Variants in KIF20B observed in about 807,000 individuals in gnomAD.
KIF20B encodes the protein kinesin-like protein KIF20B.
In KIF20B, 188 loss-of-function variants were observed where a neutral mutation model predicts 232.5. The ratio of observed to expected loss-of-function variants is 0.81; its 90% CI spans 0.72 to 0.91. The LOEUF (loss-of-function observed/expected upper bound fraction) is 0.91. KIF20B is among the 40% of genes least tolerant of loss of function. The pLI, the probability that KIF20B is intolerant of heterozygous loss-of-function variation, is 0.00. For synonymous variants in KIF20B, 712 were observed against 683.0 expected, an observed-to-expected ratio of 1.04 and a Z score of -0.66; for missense variants, 2,154 against 2,055.9, an observed-to-expected ratio of 1.05 and a Z score of -0.92.
intron 2 of KIF20B, among the ~76,000 whole-genome samples, chr10:89,706,653 A>G (rs1462986958): frequency 6.6e-6 from 1 of 150,716 alleles, no homozygotes; most frequent in Non-Finnish European, 1.5e-5. Context: ...TTAACTACAT[A>G]AGTAGTTATT....
rs765055449 is a variant in KIF20B, at chr10:89,768,767, A to G, written c.5121A>G (p.Thr1707=). ...KVAIRPSSKK[T]YSLRSQASII... is the part of the protein sequence containing the mutation. ...CCATACGTCCATCATCTAAGAAAAC[A>G]TATTCTTTACGGAGTCAGGCATCCA... Residue 1707 remains threonine (T), a synonymous_variant, in exon 31 of 33, where the codon ACA becomes ACG. Coordinates refer to ENST00000371728, the MANE Select transcript of KIF20B (RefSeq NM_001284259.2). 7 of 1,597,314 alleles carry G rather than the reference A, an allele frequency of 4.4e-6. No homozygotes were observed. In the Admixed American group the frequency reaches 9.0e-5, roughly 21 times the overall value.
Position 89,737,581 on chromosome 10 carries a change from C to T in KIF20B, c.2740C>T (p.His914Tyr). 1 of 1,605,054 alleles carries T rather than the reference C, an allele frequency of 6.2e-7. No individual in the cohort carries two copies. Among genetic ancestry groups the T allele is most frequent in the Non-Finnish European group, 8.5e-7 (1 of 1,176,280 alleles). Residue 914 changes from histidine (H) to tyrosine (Y), a missense_variant, in exon 20 of 33, where the codon CAT becomes TAT. Coordinates refer to ENST00000371728, the MANE Select transcript of KIF20B (RefSeq NM_001284259.2). ...EKAELNKQIV[H>Y]FQQELSLSEK... ...AGCAGAATTAAATAAACAGATTGTT[C>T]ATTTTCAGCAGGAACTTTCTCTTTC...
intron 1 of KIF20B, among the ~76,000 whole-genome samples, chr10:89,701,930 A>G (rs1345054064): frequency 6.6e-6 from 1 of 152,196 alleles, no homozygotes; most frequent in East Asian, 1.9e-4. Flanking sequence ...GTGACGCAAG[A>G]CAATTCATTT....
At chr10:89,732,764 C>T (rs1843354485) in intron 18 of KIF20B, 139 bp from the exon 19 acceptor site, 1 of 686,958 alleles carries the variant, frequency 1.5e-6, no homozygotes, top group Admixed American at 4.0e-5. Flanking sequence ...TAGGACGAAA[C>T]TTAAGAAATA....
chr10:89,711,161 AG>A lies in KIF20B; in HGVS notation c.675+17del. 6.8e-7 allele frequency: 1 copy of A among 1,465,302 alleles called. No individual in the cohort carries two copies. Among genetic ancestry groups the A allele is most frequent in the Non-Finnish European group, 9.2e-7 (1 of 1,088,226 alleles). 90.8% of individuals were successfully genotyped at this position (1,465,302 alleles called of 1,614,324 possible). A position where few individuals can be genotyped will look rare whatever the true frequency, so the allele number is the denominator to read the frequency against. The stretch of plus-strand genomic sequence containing the variant: ...AATTAAAGAGGTATGGAAATATTTT[AG>A]TATGTAAAATATGTATAATTCCTGA... On this transcript the variant is annotated intron_variant, in intron 6 of 32. Transcript: ENST00000371728.
chr10:89,749,531 A>G (rs912219838), intron 23 of KIF20B, among the ~76,000 whole-genome samples: 2 of 152,108 alleles, frequency 1.3e-5, no homozygotes, highest in Non-Finnish European at 2.9e-5. Flanking sequence ...TGTCACTTCA[A>G]AAAGAAACCC....
At chr10:89,755,294 T>C (rs1306046818) in intron 26 of KIF20B, among the ~76,000 whole-genome samples, 3 of 152,232 alleles carry the variant, frequency 2.0e-5, no homozygotes, top group Non-Finnish European at 4.4e-5. Flanking sequence ...TTGTCATCTG[T>C]TGGCATTTCC....
At chr10:89,763,834 T>A (rs891899236) in intron 29 of KIF20B, among the ~76,000 whole-genome samples, 2 of 149,088 alleles carry the variant, frequency 1.3e-5, no homozygotes, top group African/African-American at 4.9e-5. Flanking sequence ...ATTATTACTA[T>A]TTATTAATAG....
chr10:89,742,137 A>G (rs893160500), intron 21 of KIF20B, among the ~76,000 whole-genome samples: 6 of 152,224 alleles, frequency 3.9e-5, no homozygotes, highest in South Asian at 4.1e-4. Flanking sequence ...AGAAGAAAAA[A>G]GAAATTTATG....
In KIF20B at chr10:89,725,149, T is replaced by A; in HGVS notation, c.1992T>A (p.Val664=). Residue 664 remains valine, a synonymous_variant, in exon 15 of 33, where the codon GTT becomes GTA. Transcript: ENST00000371728. ...CGAAAGACATTTGTGCCACAAAAGTTGAAACTGAAGTATGTTAATTGAAGT... is the reference window on the plus strand; with the variant it reads ...CGAAAGACATTTGTGCCACAAAAGTAGAAACTGAAGTATGTTAATTGAAGT... ...EAAKDICATK[V]ETEETHNYVG... The A allele has an allele frequency of 1.2e-6, 2 of 1,613,994 alleles. No individual in the cohort carries two copies. The highest frequency in any genetic ancestry group is 1.7e-6 in the Non-Finnish European group (2 of 1,179,930).
intron 26 of KIF20B, 132 bp downstream of exon 26, chr10:89,754,805 A>G: frequency 1.8e-6 from 1 of 565,990 alleles, no homozygotes; most frequent in East Asian, 3.3e-5. Context: ...TCTTTATAAG[A>G]TAACTTCTGA....
At chr10:89,752,028 G>C (rs956560287) in intron 24 of KIF20B, among the ~76,000 whole-genome samples, 2 of 152,072 alleles carry the variant, frequency 1.3e-5, no homozygotes, top group African/African-American at 4.8e-5. Flanking sequence ...GTAAAATGTG[G>C]CTGATGATGA....
intron 13 of KIF20B, 95 bp from the exon 14 acceptor site, chr10:89,723,869 C>A: frequency 1.0e-6 from 1 of 968,892 alleles, no homozygotes; most frequent in Non-Finnish European, 1.4e-6. Flanking sequence ...TTACAATTGA[C>A]TAAATGTAAA....
chr10:89,715,096 A>T lies in KIF20B; in HGVS notation c.854A>T (p.Asp285Val). The stretch of plus-strand genomic sequence containing the variant: ...GAAATTTACAATGAATATATTTATG[A>T]CTTATTTGTTCCTGTATCATCTAAA... Reference protein sequence around the residue: ...FFEIYNEYIYDLFVPVSSKFQ... With the variant: ...FFEIYNEYIYVLFVPVSSKFQ... The change falls in exon 8 of 33, where the codon GAC becomes GTC. Residue 285 changes from aspartate to valine, a missense_variant. By Grantham distance (152) the Asp-to-Val change is radical. Coordinates refer to ENST00000371728, the MANE Select transcript of KIF20B (RefSeq NM_001284259.2). The T allele has an allele frequency of 6.2e-7, 1 of 1,609,192 alleles. No homozygotes were observed. Among genetic ancestry groups the T allele is most frequent in the Non-Finnish European group, 8.5e-7 (1 of 1,177,272 alleles).
At chr10:89,726,652 T>A in intron 16 of KIF20B, 131 bp downstream of exon 16, 2 of 714,200 alleles carry the variant, frequency 2.8e-6, no homozygotes, top group Non-Finnish European at 4.1e-6. Flanking sequence ...TAACATATTT[T>A]AATATTTTAC....
At chr10:89,735,846 G>A (rs865820553) in intron 19 of KIF20B, among the ~76,000 whole-genome samples, 1 of 152,164 alleles carries the variant, frequency 6.6e-6, no homozygotes, top group Middle Eastern at 3.4e-3. Flanking sequence ...CCAGAAAGTA[G>A]TAGGTTTCTT....
At chr10:89,749,501 A>C (rs1841983046) in intron 23 of KIF20B, among the ~76,000 whole-genome samples, 1 of 152,174 alleles carries the variant, frequency 6.6e-6, no homozygotes, top group African/African-American at 2.4e-5. Context: ...TAGTAACGTA[A>C]AGTGACAAGT....
chr10:89,709,788 T>A (rs557654459), intron 4 of KIF20B, 139 bp from the exon 5 acceptor site: 1 of 551,780 alleles, frequency 1.8e-6, no homozygotes, highest in Non-Finnish European at 2.8e-6. Flanking sequence ...AACTATCAAA[T>A]GTATTTGTGG....
chr10:89,706,056 A>G (rs1349828709), intron 2 of KIF20B, among the ~76,000 whole-genome samples: 2 of 152,186 alleles, frequency 1.3e-5, no homozygotes, highest in African/African-American at 4.8e-5. Flanking sequence ...TACAAACTGT[A>G]TAAGTTTAAC....
Sources: allele counts gnomAD v4.1 joint callset (sites outside exome capture counted in the v4.1 genomes callset), GRCh38; gene constraint gnomAD v4.1.1; transcripts MANE v1.5; gene names NCBI Gene and HGNC (gene_info 2026-07-23, HGNC 2026-07-21).